RAB8B: variants seen among roughly 807,000 people sequenced by gnomAD.
RAB8B encodes the protein ras-related protein Rab-8B.
In RAB8B, 11 loss-of-function variants were observed where a neutral mutation model predicts 32.0. That is an observed-to-expected ratio of 0.34 (90% CI 0.22 to 0.57). RAB8B has a LOEUF of 0.57. Among genes scored for constraint, RAB8B ranks in the 20% least tolerant of loss-of-function variants. The probability of loss-of-function intolerance (pLI) is 0.86; values close to 1 mark genes in which losing one functional copy is unlikely to be tolerated. For synonymous variants in RAB8B, 103 were observed against 89.6 expected, an observed-to-expected ratio of 1.15 and a Z score of -0.85; for missense variants, 190 against 258.5, an observed-to-expected ratio of 0.73 and a Z score of 1.82.
intron 1 of RAB8B, among the ~76,000 whole-genome samples, chr15:63,219,190 C>T (rs540585369): frequency 6.6e-6 from 1 of 150,488 alleles, no homozygotes; most frequent in African/African-American, 2.4e-5. Flanking sequence ...CCCAGTTACT[C>T]AGGAGGCTGA....
chr15:63,234,082 A>AC (rs1176229502), intron 1 of RAB8B, among the ~76,000 whole-genome samples: 2 of 152,120 alleles, frequency 1.3e-5, no homozygotes, highest in African/African-American at 4.8e-5. Context: ...ATGTTTTTCT[A>AC]CCCCTGATTT....
At chr15:63,216,603 C>G (rs1040019654) in intron 1 of RAB8B, among the ~76,000 whole-genome samples, 2 of 145,118 alleles carry the variant, frequency 1.4e-5, no homozygotes, top group Non-Finnish European at 3.1e-5. Flanking sequence ...TGGCTCACGC[C>G]TGTAATCCCA....
At chr15:63,258,355 G>A (rs765288327) in intron 5 of RAB8B, among the ~76,000 whole-genome samples, 2 of 151,950 alleles carry the variant, frequency 1.3e-5, no homozygotes, top group African/African-American at 2.4e-5. Context: ...TGCCTGCCTC[G>A]ACCTCCCAAA....
chr15:63,208,099 T>A (rs2037714321), intron 1 of RAB8B, among the ~76,000 whole-genome samples: 1 of 152,210 alleles, frequency 6.6e-6, no homozygotes, highest in South Asian at 2.1e-4. Flanking sequence ...TATCCCTCCC[T>A]TAAAAGTCTT....
At chr15:63,221,067 T>C (rs1595739627) in intron 1 of RAB8B, among the ~76,000 whole-genome samples, 1 of 151,698 alleles carries the variant, frequency 6.6e-6, no homozygotes, top group Non-Finnish European at 1.5e-5. Context: ...ACAGAGGAGG[T>C]AGAGTTTCTG....
At chr15:63,224,667 C>T (rs1484002511) in intron 1 of RAB8B, among the ~76,000 whole-genome samples, 2 of 152,156 alleles carry the variant, frequency 1.3e-5, no homozygotes, top group Non-Finnish European at 2.9e-5. Flanking sequence ...GCTAAGCATA[C>T]TCAGAGGCTC....
At chr15:63,251,915 A>T (rs1436846422) in intron 3 of RAB8B, among the ~76,000 whole-genome samples, 1 of 152,104 alleles carries the variant, frequency 6.6e-6, no homozygotes, top group African/African-American at 2.4e-5. Context: ...TGGCTGATTC[A>T]GGTATGTGGC....
Position 63,205,423 on chromosome 15 carries a change from A to G in RAB8B, c.124+15675A>G, listed in dbSNP as rs537974328. 3.9e-5 allele frequency among the ~76,000 whole-genome samples: 6 copies of G among 152,334 alleles called. No individual in the cohort carries two copies. The East Asian group carries it at 5.8e-4, about 15-fold the overall frequency. On this transcript the variant is annotated intron_variant, in intron 1 of 7. Transcript: ENST00000321437. ...TGAAGTGAGAGGATTACTTGAGCCC[A>G]GGAGGTTGAGGCTACAGTGAGCTAT...
chr15:63,232,638 C>T (rs2037944732), intron 1 of RAB8B, among the ~76,000 whole-genome samples: 1 of 152,182 alleles, frequency 6.6e-6, no homozygotes, highest in Non-Finnish European at 1.5e-5. Context: ...ACTTCCTATT[C>T]ATAGGATGGA....
At chr15:63,235,771 G>A (rs1367812720) in intron 1 of RAB8B, among the ~76,000 whole-genome samples, 1 of 151,608 alleles carries the variant, frequency 6.6e-6, no homozygotes, top group East Asian at 1.9e-4. Context: ...GTATATTTCT[G>A]CAACTTGTTC....
chr15:63,257,608 C>CA (rs1219003929), intron 5 of RAB8B, among the ~76,000 whole-genome samples: 1 of 151,966 alleles, frequency 6.6e-6, no homozygotes, highest in Non-Finnish European at 1.5e-5. Flanking sequence ...TTGCTGCAAA[C>CA]TTTTTTCCCC....
chr15:63,211,341 T>G (rs1318131199), intron 1 of RAB8B, among the ~76,000 whole-genome samples: 4 of 152,310 alleles, frequency 2.6e-5, no homozygotes, highest in Middle Eastern at 6.8e-3. Flanking sequence ...CTTGTCCCTT[T>G]CTGAGTTGGG....
chr15:63,210,413 G>C (rs551620357), intron 1 of RAB8B, among the ~76,000 whole-genome samples: 1 of 152,006 alleles, frequency 6.6e-6, no homozygotes, highest in African/African-American at 2.4e-5. Context: ...TTTTCTTCCT[G>C]CTTTGTCTAC....
At position 63,249,669 on chromosome 15, in the gene RAB8B, C is replaced by T; in HGVS notation, c.210C>T (p.Phe70=). The T allele has an allele frequency of 1.9e-6, 3 of 1,613,892 alleles. No homozygotes were observed. In the African/African-American group the frequency reaches 4.0e-5, roughly 22 times the overall value. ...QIWDTAGQER[F]RTITTAYYRG... ...GGGACACAGCGGGTCAGGAAAGATT[C>T]CGAACAATCACGACAGCGTACTACA... Residue 70 remains phenylalanine, a synonymous_variant, in exon 3 of 8, where the codon TTC becomes TTT. Coordinates refer to ENST00000321437, the MANE Select transcript of RAB8B (RefSeq NM_016530.3).
chr15:63,242,950 A>AAT (rs1264192550), intron 1 of RAB8B, among the ~76,000 whole-genome samples: 1 of 152,204 alleles, frequency 6.6e-6, no homozygotes, highest in East Asian at 1.9e-4. Context: ...ATTACATTGT[A>AAT]ATATATAATG....
At chr15:63,197,091 G>A (rs1050635660) in intron 1 of RAB8B, among the ~76,000 whole-genome samples, 1 of 152,112 alleles carries the variant, frequency 6.6e-6, no homozygotes, top group Non-Finnish European at 1.5e-5. Flanking sequence ...TCATTTGAGT[G>A]ACAGGGTAGT....
In RAB8B at chr15:63,248,251, C is replaced by T. The variant is rs1045590979; in HGVS notation, c.186-1394C>T. Among the ~76,000 whole-genome samples, 12 of 152,164 alleles carry T rather than the reference C, an allele frequency of 7.9e-5. No homozygotes were observed. The highest frequency in any genetic ancestry group is 1.3e-4 in the Admixed American group (2 of 15,278). On this transcript the variant is annotated intron_variant, in intron 2 of 7. Coordinates refer to ENST00000321437, the MANE Select transcript of RAB8B (RefSeq NM_016530.3). This position sits in a 1 kb window ranked among gnomAD's most constrained non-coding sequence, Gnocchi z 4.4. ...GAGCTGGGCCGGGTGCAGTGGCTCA[C>T]GCCTGTAATGCCAGCACGTTGGGAG...
intron 1 of RAB8B, among the ~76,000 whole-genome samples, chr15:63,217,151 A>T (rs546553867): frequency 9.8e-5 from 15 of 152,330 alleles, no homozygotes; most frequent in Admixed American, 7.8e-4. Context: ...TGATTAATGT[A>T]TGATTAGTCA....
At chr15:63,220,473 A>G (rs2037835397) in intron 1 of RAB8B, among the ~76,000 whole-genome samples, 1 of 152,176 alleles carries the variant, frequency 6.6e-6, no homozygotes, top group South Asian at 2.1e-4. Context: ...AATGGAGGGA[A>G]AGACAGTAGG....
Sources: allele counts gnomAD v4.1 joint callset (sites outside exome capture counted in the v4.1 genomes callset), GRCh38; gene constraint gnomAD v4.1.1; non-coding constraint Gnocchi (gnomAD v3.1); transcripts MANE v1.5; gene names NCBI Gene and HGNC (gene_info 2026-07-23, HGNC 2026-07-21).